The following NELL2 variants were observed in gnomAD, a reference collection of about 807,000 sequenced individuals.
NELL2 encodes the protein protein kinase C-binding protein NELL2.
NELL2 carries 41 observed loss-of-function variants against 109.6 expected under a neutral mutation model. The ratio of observed to expected loss-of-function variants is 0.37; its 90% confidence interval spans 0.29 to 0.49. NELL2 has a LOEUF of 0.49. Among genes scored for constraint, NELL2 ranks in the 20% least tolerant of loss-of-function variants. The probability of loss-of-function intolerance (pLI) is 0.98; values close to 1 mark genes in which losing one functional copy is unlikely to be tolerated. For synonymous variants in NELL2, 355 were observed against 344.7 expected, an observed-to-expected ratio of 1.03 and a Z score of -0.33; for missense variants, 900 against 1,008.3, an observed-to-expected ratio of 0.89 and a Z score of 1.45.
chr12:44,764,416 A>C (rs1941246102), intron 9 of NELL2, among the ~76,000 whole-genome samples: 1 of 152,202 alleles, frequency 6.6e-6, no homozygotes, highest in Non-Finnish European at 1.5e-5. Context: ...GAAATACTAG[A>C]AGATTTACTT....
intron 2 of NELL2, among the ~76,000 whole-genome samples, chr12:44,816,953 T>C (rs1943373220): frequency 6.6e-6 from 1 of 152,246 alleles, no homozygotes; most frequent in South Asian, 2.1e-4. Context: ...GAGCATAGGC[T>C]CTCCTATTCA....
At chr12:44,572,807 C>T (rs542443276) in intron 15 of NELL2, among the ~76,000 whole-genome samples, 1 of 152,178 alleles carries the variant, frequency 6.6e-6, no homozygotes, top group Admixed American at 6.5e-5. Context: ...CAGCAACTTG[C>T]AGATATGTGA....
intron 15 of NELL2, among the ~76,000 whole-genome samples, chr12:44,539,378 CG>C (rs541781908): frequency 6.6e-6 from 1 of 151,820 alleles, no homozygotes; most frequent in Non-Finnish European, 1.5e-5. Context: ...AAGAAATTGG[CG>C]GGGGGGATGC....
At chr12:44,871,997 G>A (rs1468098675) in intron 2 of NELL2, among the ~76,000 whole-genome samples, 1 of 152,102 alleles carries the variant, frequency 6.6e-6, no homozygotes, top group African/African-American at 2.4e-5. Flanking sequence ...TAAAATCAAA[G>A]ATCTAAAAAT....
chr12:44,747,653 A>C (rs1228509721), intron 9 of NELL2, among the ~76,000 whole-genome samples: 2 of 152,078 alleles, frequency 1.3e-5, no homozygotes, highest in South Asian at 4.1e-4. Flanking sequence ...TTAACGGTCA[A>C]CTGTAGAAGT....
At chr12:44,919,750 C>A (rs551175674) in intron 1 of NELL2, among the ~76,000 whole-genome samples, 1 of 152,318 alleles carries the variant, frequency 6.6e-6, no homozygotes, top group African/African-American at 2.4e-5. Flanking sequence ...ATTCTGCCAG[C>A]ACCTTAATCT....
rs536365019 is a variant in NELL2 at position 44,534,269 on chromosome 12, T to C, written c.1664-1548A>G. On this transcript the variant is annotated intron_variant, in intron 15 of 19. Transcript: ENST00000429094. ...CATTTATTTCTTGATAGGTCAAGTGTCCCTTCAGCAAAATAGTATGCAAAG... is the reference window on the plus strand; with the variant it reads ...CATTTATTTCTTGATAGGTCAAGTGCCCCTTCAGCAAAATAGTATGCAAAG... 2.0e-5 allele frequency among the ~76,000 whole-genome samples: 3 copies of C among 152,264 alleles called. No homozygotes were observed. The South Asian group carries it at 6.2e-4, about 32-fold the overall frequency.
intron 15 of NELL2, among the ~76,000 whole-genome samples, chr12:44,549,376 GA>G (rs1251511087): frequency 6.6e-6 from 1 of 152,176 alleles, no homozygotes; most frequent in Non-Finnish European, 1.5e-5. Flanking sequence ...AGATCATAGG[GA>G]AGAGGGGAAG....
intron 15 of NELL2, among the ~76,000 whole-genome samples, chr12:44,535,904 A>G (rs7953156): frequency 0.58 from 88,332 of 151,644 alleles, 25,877 homozygotes; most frequent in East Asian, 0.73. Context: ...GCCTTAATTT[A>G]TCTAAAATAC....
chr12:44,657,639 C>T (rs759312666), intron 13 of NELL2, among the ~76,000 whole-genome samples: 25 of 152,108 alleles, frequency 1.6e-4, no homozygotes, highest in Non-Finnish European at 3.4e-4. Flanking sequence ...AGTCCCCTAC[C>T]CCCTAACAGG....
rs1053740893 is a variant in NELL2, at chr12:44,743,105, G to C, written c.995-28364C>G. 9.9e-5 allele frequency among the ~76,000 whole-genome samples: 15 copies of C among 152,196 alleles called. No individual in the cohort carries two copies. The East Asian group carries it at 1.7e-3, about 18-fold the overall frequency. Reference sequence around the variant, plus strand: ...ACATCAGACTAACAGCAGATCTCTCGGCAGAAACTCTACAAGCCAGAAGAG... The same window carrying C: ...ACATCAGACTAACAGCAGATCTCTCCGCAGAAACTCTACAAGCCAGAAGAG... On this transcript the variant is annotated intron_variant, in intron 9 of 19. Transcript: ENST00000429094.
chr12:44,885,394 G>T (rs1396951958), intron 1 of NELL2, among the ~76,000 whole-genome samples: 3 of 151,948 alleles, frequency 2.0e-5, no homozygotes, highest in East Asian at 1.9e-4. Flanking sequence ...AAATCCCAAA[G>T]CATATGTGAG....
intron 12 of NELL2, among the ~76,000 whole-genome samples, chr12:44,693,206 A>G (rs2136399364): frequency 6.6e-6 from 1 of 152,342 alleles, no homozygotes; most frequent in East Asian, 1.9e-4. Flanking sequence ...AAGACCCTCC[A>G]TCAGCAAAAA....
rs1159227856 is a variant in NELL2 at position 44,905,734 on chromosome 12, C to CATCT, written c.38+8061_38+8064dup. Among the ~76,000 whole-genome samples the CATCT allele has an allele frequency of 6.7e-4, 102 of 152,164 alleles. 1 individual carries two copies. The highest frequency in any genetic ancestry group is 7.4e-5 in the Non-Finnish European group (5 of 67,988). On this transcript the variant is annotated intron_variant, in intron 1 of 20. Coordinates refer to the NELL2 transcript ENST00000333837. The stretch of plus-strand genomic sequence containing the variant: ...TACAACCTGGAAATAAATCATCCAC[C>CATCT]ATCTGACTAGCTCTCACAGGCCTAT...
chr12:44,644,608 G>GTATATATATATATATATATATATATATA (rs1180129986), intron 13 of NELL2, among the ~76,000 whole-genome samples: 5 of 90,822 alleles, frequency 5.5e-5, no homozygotes, highest in Admixed American at 1.4e-4. Context: ...ATATATGTAT[G>GTATATATATATATATATATATATATATA]TATATATATA....
At chr12:44,605,385 A>C (rs1285414617) in intron 15 of NELL2, among the ~76,000 whole-genome samples, 2 of 152,192 alleles carry the variant, frequency 1.3e-5, no homozygotes, top group Non-Finnish European at 2.9e-5. Flanking sequence ...CATAACATAT[A>C]AACAGTACAA....
chr12:44,549,151 A>C (rs1417266540), intron 15 of NELL2, among the ~76,000 whole-genome samples: 1 of 152,234 alleles, frequency 6.6e-6, no homozygotes, highest in Non-Finnish European at 1.5e-5. Flanking sequence ...GTACCTGTTA[A>C]TAAGACAAAT....
At chr12:44,540,464 G>A (rs1357416383) in intron 15 of NELL2, among the ~76,000 whole-genome samples, 1 of 152,086 alleles carries the variant, frequency 6.6e-6, no homozygotes, top group Non-Finnish European at 1.5e-5. Flanking sequence ...AGTTTGAAGA[G>A]TCTTGAAATA....
At chr12:44,825,013 A>G (rs1943665115) in intron 2 of NELL2, among the ~76,000 whole-genome samples, 1 of 151,994 alleles carries the variant, frequency 6.6e-6, no homozygotes, top group Admixed American at 6.6e-5. Flanking sequence ...CCCGGCCTGT[A>G]GTGTAATATA....
Sources: allele counts gnomAD v4.1 joint callset (sites outside exome capture counted in the v4.1 genomes callset), GRCh38; gene constraint gnomAD v4.1.1; transcripts MANE v1.5; gene names NCBI Gene and HGNC (gene_info 2026-07-23, HGNC 2026-07-21).